SLC45A4: variants seen among roughly 807,000 people sequenced by gnomAD.
The protein encoded by SLC45A4 is solute carrier family 45 member 4.
A neutral mutation model predicts 63.7 loss-of-function variants in SLC45A4; 32 were observed. The ratio of observed to expected loss-of-function variants is 0.50; its 90% CI spans 0.38 to 0.67. The LOEUF (loss-of-function observed/expected upper bound fraction) is 0.67, where lower values mean the gene tolerates loss of function less well. Among genes scored for constraint, SLC45A4 ranks in the 30% least tolerant of loss-of-function variants. The probability of loss-of-function intolerance (pLI) is 0.00; values close to 1 mark genes in which losing one functional copy is unlikely to be tolerated. For missense variants in SLC45A4, 1,027 were observed against 1,157.7 expected (o/e 0.89, Z 1.64); for synonymous variants, 535 against 510.0 (o/e 1.05, Z -0.66).
chr8:141,266,740 A>G (rs76679932), intron 1 of SLC45A4, among the ~76,000 whole-genome samples: 2,968 of 152,312 alleles, frequency 0.019, 97 homozygotes, highest in African/African-American at 0.068. Context: ...CTCTTCTACA[A>G]GTTCCTCCCC....
intron 2 of SLC45A4, chr8:141,224,206 CT>C (rs1826838195): frequency 1.3e-5 from 2 of 152,198 alleles, no homozygotes; most frequent in Admixed American, 1.3e-4. Flanking sequence ...GACAGGGCGG[CT>C]GTGGTGATTC....
chr8:141,282,954 C>T (rs922935973), intron 1 of SLC45A4, among the ~76,000 whole-genome samples: 3 of 152,244 alleles, frequency 2.0e-5, no homozygotes, highest in African/African-American at 4.8e-5. Context: ...TGAGGCCTAG[C>T]GGAGACGTGC....
chr8:141,211,306 G>A lies in SLC45A4; in HGVS notation c.*266C>T, dbSNP rs942275716. The A allele has an allele frequency of 1.2e-5, 12 of 1,033,094 alleles. No homozygotes were observed. Among genetic ancestry groups the A allele is most frequent in the Middle Eastern group, 3.3e-4 (1 of 2,992 alleles). 64.0% of individuals were successfully genotyped at this position (1,033,094 alleles called of 1,614,324 possible). ...GGCCTCCTAGGAGAGTCCTTCAGACGGGACGAGCGGGGTCACATGGCTGGG... is the reference window on the plus strand; with the variant it reads ...GGCCTCCTAGGAGAGTCCTTCAGACAGGACGAGCGGGGTCACATGGCTGGG... On this transcript the variant is annotated 3_prime_UTR_variant, in exon 9 of 9. Coordinates refer to ENST00000517878, the MANE Select transcript of SLC45A4 (RefSeq NM_001286646.2).
chr8:141,302,299 G>A lies in SLC45A4; in HGVS notation c.-401+5797C>T, dbSNP rs77823988. Among the ~76,000 whole-genome samples the A allele has an allele frequency of 1.3e-4, 20 of 151,948 alleles. No individual in the cohort carries two copies. In the East Asian group the frequency reaches 1.5e-3, roughly 12 times the overall value. ...GATGGAGACAGAGGCTTGCTCTTTCGCTCAGGCTGGAGTGAAGTGGCGCAA... is the reference window on the plus strand; with the variant it reads ...GATGGAGACAGAGGCTTGCTCTTTCACTCAGGCTGGAGTGAAGTGGCGCAA... On this transcript the variant is annotated intron_variant, in intron 1 of 8. Coordinates refer to ENST00000517878, the MANE Select transcript of SLC45A4 (RefSeq NM_001286646.2).
chr8:141,298,279 A>T (rs1830632211), intron 1 of SLC45A4, among the ~76,000 whole-genome samples: 1 of 152,254 alleles, frequency 6.6e-6, no homozygotes, highest in Non-Finnish European at 1.5e-5. Flanking sequence ...TTTAAGAAGA[A>T]CATTCTGTTT....
intron 2 of SLC45A4, chr8:141,228,320 G>A (rs962710477): frequency 8.7e-6 from 14 of 1,603,158 alleles, no homozygotes; most frequent in Non-Finnish European, 1.2e-5. Context: ...AACTCCCAGG[G>A]GGCCACTGTT....
intron 1 of SLC45A4, among the ~76,000 whole-genome samples, chr8:141,301,501 G>C (rs1156773547): frequency 6.6e-6 from 1 of 151,954 alleles, no homozygotes; most frequent in Non-Finnish European, 1.5e-5. Flanking sequence ...TCAGCACTCT[G>C]GGAGCCTGAG....
intron 2 of SLC45A4, chr8:141,252,436 TGTG>T (rs1321837898): frequency 6.4e-6 from 1 of 155,410 alleles, no homozygotes; most frequent in Non-Finnish European, 1.4e-5. Context: ...CCTGCGTGTC[TGTG>T]AATTTCCATG....
At chr8:141,266,242 C>A (rs552323787) in intron 1 of SLC45A4, among the ~76,000 whole-genome samples, 2 of 152,230 alleles carry the variant, frequency 1.3e-5, no homozygotes, top group Non-Finnish European at 2.9e-5. Flanking sequence ...CCCCTACACA[C>A]GAAGCGCATG....
chr8:141,295,813 G>C (rs188278283), intron 1 of SLC45A4, among the ~76,000 whole-genome samples: 2 of 152,326 alleles, frequency 1.3e-5, no homozygotes, highest in Admixed American at 1.3e-4. Context: ...TGAAGGCCTT[G>C]AGTGCCCCAG....
intron 1 of SLC45A4, among the ~76,000 whole-genome samples, chr8:141,255,226 C>T (rs531722736): frequency 3.3e-5 from 5 of 152,204 alleles, no homozygotes; most frequent in East Asian, 1.9e-4. Flanking sequence ...CGAGTAGCTG[C>T]GACTACAGGC....
At position 141,254,131 on chromosome 8, in the gene SLC45A4, G is replaced by C. The variant is rs1329162072; in HGVS notation, c.99C>G (p.Ala33=). The C allele has an allele frequency of 2.0e-6, 3 of 1,536,038 alleles. No individual in the cohort carries two copies. Among genetic ancestry groups the C allele is most frequent in the Non-Finnish European group, 2.6e-6 (3 of 1,146,930 alleles). ...CCTCGCTGATGGTCTCGCAGTTCTCGGCCTCTGCGCCTCCGGCTTTCTGCG... is the reference window on the plus strand; with the variant it reads ...CCTCGCTGATGGTCTCGCAGTTCTCCGCCTCTGCGCCTCCGGCTTTCTGCG... ...PDPQKAGGAE[A]ENCETISEGS... Residue 33 remains alanine (A), a synonymous_variant, in exon 2 of 9, where the codon GCC becomes GCG. Coordinates refer to ENST00000517878, the MANE Select transcript of SLC45A4 (RefSeq NM_001286646.2). The surrounding 1 kb of genome is among the most constrained non-coding windows in gnomAD (Gnocchi z 4.5).
In SLC45A4 at chr8:141,254,514, C is replaced by T; in HGVS notation, c.-285G>A. 1.4e-6 allele frequency: 1 copy of T among 698,814 alleles called. No individual in the cohort carries two copies. The allele number at this position is 698,814 out of a possible 1,614,324, so 43.3% of individuals were successfully genotyped here. On this transcript the variant is annotated 5_prime_UTR_variant, in exon 2 of 9. Coordinates refer to ENST00000517878, the MANE Select transcript of SLC45A4 (RefSeq NM_001286646.2). The surrounding 1 kb of genome is among the most constrained non-coding windows in gnomAD (Gnocchi z 4.5). ...ATCCATAATTGCCATTCAGTTAATACCAGTTTCATCATTATTACTGAAGAG... is the reference window on the plus strand; with the variant it reads ...ATCCATAATTGCCATTCAGTTAATATCAGTTTCATCATTATTACTGAAGAG...
intron 1 of SLC45A4, among the ~76,000 whole-genome samples, chr8:141,284,926 C>T (rs1049832707): frequency 2.6e-5 from 4 of 152,160 alleles, no homozygotes; most frequent in Non-Finnish European, 4.4e-5. Context: ...CTGTCCCAAG[C>T]GTCCACCGTG....
intron 1 of SLC45A4, among the ~76,000 whole-genome samples, chr8:141,294,931 G>GA (rs535276316): frequency 5.3e-5 from 8 of 152,342 alleles, no homozygotes; most frequent in African/African-American, 1.9e-4. Flanking sequence ...CGAAGGTGAG[G>GA]AAAGTGAGTC....
At chr8:141,303,423 A>T (rs1830810243) in intron 1 of SLC45A4, among the ~76,000 whole-genome samples, 1 of 149,004 alleles carries the variant, frequency 6.7e-6, no homozygotes, top group African/African-American at 2.5e-5. Flanking sequence ...TGCAGGAACG[A>T]GCCTCTGTGC....
rs776045678 is a variant in SLC45A4, at chr8:141,254,312, C to T, written c.-83G>A. 3.6e-5 allele frequency: 49 copies of T among 1,378,376 alleles called. 1 individual carries two copies. The highest frequency in any genetic ancestry group is 8.3e-5 in the Admixed American group (3 of 36,064). 85.4% of individuals were successfully genotyped at this position (1,378,376 alleles called of 1,614,324 possible). ...ATATATCTGTAATGATAAATTAAGA[C>T]GTCTTCTCTTTCTGCTTCTGCTGTG... On this transcript the variant is annotated 5_prime_UTR_variant, in exon 2 of 9. Transcript: ENST00000517878. This position sits in a 1 kb window ranked among gnomAD's most constrained non-coding sequence, Gnocchi z 4.5.
chr8:141,242,481 G>C (rs13257363), intron 2 of SLC45A4, among the ~76,000 whole-genome samples: 2 of 152,046 alleles, frequency 1.3e-5, no homozygotes, highest in African/African-American at 4.8e-5. Context: ...TTAGAAACGC[G>C]GGCTCCAGTA....
intron 2 of SLC45A4, among the ~76,000 whole-genome samples, chr8:141,246,124 C>T (rs1009683812): frequency 6.6e-6 from 1 of 152,250 alleles, no homozygotes; most frequent in African/African-American, 2.4e-5. Context: ...CATGCTGCTT[C>T]TGTAGTACCT....
Sources: gnomAD v4.1 joint callset for allele counts (sites outside exome capture counted in the v4.1 genomes callset) on GRCh38, gnomAD v4.1.1 for gene constraint, Gnocchi (gnomAD v3.1) non-coding constraint, MANE v1.5 for transcripts, NCBI Gene and HGNC (gene_info 2026-07-23, HGNC 2026-07-21) for gene names.